Variants in BTBD2 observed in about 807,000 individuals in gnomAD.
BTBD2 encodes the protein BTB/POZ domain-containing protein 2.
A neutral mutation model predicts 44.0 loss-of-function variants in BTBD2; 15 were observed. That is an observed-to-expected ratio of 0.34 (90% confidence interval 0.23 to 0.53). The LOEUF (loss-of-function observed/expected upper bound fraction) is 0.53, where lower values mean the gene tolerates loss of function less well. Ranked by LOEUF, BTBD2 falls within the 20% of genes least tolerant of loss-of-function variation. The pLI is 0.95. For synonymous variants in BTBD2, 443 were observed against 335.9 expected, an observed-to-expected ratio of 1.32 and a Z score of -3.49; for missense variants, 657 against 746.4, an observed-to-expected ratio of 0.88 and a Z score of 1.39.
intron 8 of BTBD2, 85 bp from the exon 9 acceptor site, chr19:1,986,734 CA>C: frequency 1.3e-6 from 2 of 1,579,700 alleles, no homozygotes; most frequent in Non-Finnish European, 1.7e-6. Flanking sequence ...CCGACTGGGC[CA>C]GGGTGGCTGC....
chr19:2,009,731 T>C lies in BTBD2; in HGVS notation c.407+5566A>G, dbSNP rs1045656893. On this transcript the variant is annotated intron_variant, in intron 1 of 8. Coordinates refer to ENST00000255608, the MANE Select transcript of BTBD2 (RefSeq NM_017797.4). ...TGGGCGTGGTGGCGCACACCTGTAA[T>C]CCCAGCTACTCAGAAGGCTGAGACA... Among the ~76,000 whole-genome samples the C allele has an allele frequency of 2.0e-5, 3 of 151,850 alleles. No homozygotes were observed. In the East Asian group the frequency reaches 5.9e-4, roughly 30 times the overall value.
At chr19:2,007,956 T>TG (rs59761889) in intron 1 of BTBD2, among the ~76,000 whole-genome samples, 2,263 of 152,162 alleles carry the variant, frequency 0.015, 50 homozygotes, top group African/African-American at 0.051. Flanking sequence ...TGGGTGGATG[T>TG]GGGTGACTGA....
intron 1 of BTBD2, among the ~76,000 whole-genome samples, chr19:1,999,507 A>G (rs1303576827): frequency 1.3e-5 from 2 of 152,112 alleles, no homozygotes; most frequent in Non-Finnish European, 2.9e-5. Context: ...CTCTACAAAA[A>G]CATTGAAAAT....
At chr19:2,000,968 C>G (rs1224942054) in intron 1 of BTBD2, among the ~76,000 whole-genome samples, 3 of 152,152 alleles carry the variant, frequency 2.0e-5, no homozygotes, top group East Asian at 1.9e-4. Flanking sequence ...AGGAGGTCCC[C>G]AGAGTCCTCA....
intron 1 of BTBD2, among the ~76,000 whole-genome samples, chr19:2,005,244 C>T (rs1330778036): frequency 6.6e-6 from 1 of 152,160 alleles, no homozygotes; most frequent in Non-Finnish European, 1.5e-5. Context: ...TGGGCATTCA[C>T]GCACGAGGCT....
At chr19:1,996,478 C>CT (rs150753596) in intron 2 of BTBD2, among the ~76,000 whole-genome samples, 45 of 139,056 alleles carry the variant, frequency 3.2e-4, no homozygotes, top group Non-Finnish European at 4.0e-4. Context: ...CTGATGTTTC[C>CT]TTTTTTTTGT....
intron 5 of BTBD2, chr19:1,989,561 G>T: frequency 4.0e-6 from 1 of 246,942 alleles, no homozygotes; most frequent in Non-Finnish European, 8.1e-6. Flanking sequence ...AGGGCAGGAG[G>T]CATCGTTAGC....
intron 1 of BTBD2, among the ~76,000 whole-genome samples, chr19:2,001,691 G>T (rs560366532): frequency 6.6e-6 from 1 of 152,214 alleles, no homozygotes; most frequent in East Asian, 1.9e-4. Flanking sequence ...CAGGTGCTCC[G>T]ATACCCTCTG....
chr19:1,999,028 C>T (rs985957825), intron 1 of BTBD2, among the ~76,000 whole-genome samples: 1 of 152,176 alleles, frequency 6.6e-6, no homozygotes, highest in Non-Finnish European at 1.5e-5. Flanking sequence ...CTGCTTCTCA[C>T]TCCTGCACAG....
intron 1 of BTBD2, 100 bp downstream of exon 1, chr19:2,015,197 C>A: frequency 1.7e-6 from 2 of 1,186,698 alleles, no homozygotes; most frequent in South Asian, 1.8e-5. Flanking sequence ...TGGAGGGGTG[C>A]GGGGGTCTCG....
intron 4 of BTBD2, 50 bp downstream of exon 4, chr19:1,990,666 TC>T: frequency 1.3e-6 from 2 of 1,505,434 alleles, no homozygotes; most frequent in Non-Finnish European, 1.8e-6. Context: ...CCCCGGACCC[TC>T]CCGCCGAGGC....
chr19:2,015,148 G>A, intron 1 of BTBD2, 149 bp downstream of exon 1: 1 of 1,274,198 alleles, frequency 7.8e-7, no homozygotes, highest in Non-Finnish European at 1.0e-6. Flanking sequence ...ATGCAGGGGT[G>A]CAGGGGTCCC....
intron 1 of BTBD2, 22 bp from the exon 2 acceptor site, chr19:1,997,485 C>T (rs373047911): frequency 1.2e-6 from 2 of 1,613,150 alleles, no homozygotes; most frequent in African/African-American, 1.3e-5. Flanking sequence ...GAGAGAAGGC[C>T]CTGGTTAAGC....
chr19:1,989,723 G>A (rs1396268037), intron 5 of BTBD2: 21 of 483,472 alleles, frequency 4.3e-5, no homozygotes, highest in Admixed American at 1.0e-4. Flanking sequence ...ACAAGGGCGC[G>A]AGACGGGGAC....
rs1383137871 is a variant in BTBD2 at position 1,987,348 on chromosome 19, G to A, written c.1182-95C>T. On this transcript the variant is annotated intron_variant, in intron 6 of 8. Transcript: ENST00000255608. Reference sequence around the variant, plus strand: ...ACCCCCATGCCCGGTCCCCTCCATCGTCCCTGAGTCCTCCACCCCCATGCC... The same window carrying A: ...ACCCCCATGCCCGGTCCCCTCCATCATCCCTGAGTCCTCCACCCCCATGCC... 98 of 1,444,824 alleles carry A rather than the reference G, an allele frequency of 6.8e-5. 1 individual carries two copies. The East Asian group carries it at 7.5e-4, about 11-fold the overall frequency. The allele number at this position is 1,444,824 out of a possible 1,614,324, so 89.5% of individuals were successfully genotyped here. A position where few individuals can be genotyped will look rare whatever the true frequency, so the allele number is the denominator to read the frequency against.
chr19:2,011,256 G>C (rs527501176), intron 1 of BTBD2, among the ~76,000 whole-genome samples: 1 of 151,896 alleles, frequency 6.6e-6, no homozygotes, highest in East Asian at 1.9e-4. Context: ...ACAGGAACTC[G>C]CTTCCTCCAA....
Position 1,986,981 on chromosome 19 carries a change from G to A in BTBD2, c.1270-5C>T, listed in dbSNP as rs370012025. 7.1e-5 allele frequency: 115 copies of A among 1,610,334 alleles called. No homozygotes were observed. The African/African-American group carries it at 7.2e-4, about 10-fold the overall frequency. ...GTTGCTATCGGTGTGAATAATCTGCGGGGAGGTGGGAAGTGGGAGGCTCAG... is the reference window on the plus strand; with the variant it reads ...GTTGCTATCGGTGTGAATAATCTGCAGGGAGGTGGGAAGTGGGAGGCTCAG... On this transcript the variant is annotated splice_region_variant and splice_polypyrimidine_tract_variant and intron_variant, in intron 7 of 8. Transcript: ENST00000255608.
chr19:1,997,539 TG>T, intron 1 of BTBD2, 76 bp from the exon 2 acceptor site: 1 of 1,588,048 alleles, frequency 6.3e-7, no homozygotes. Context: ...CCCGGTATCC[TG>T]GGTGACCACC....
At chr19:1,995,143 T>C (rs1185399223) in intron 2 of BTBD2, among the ~76,000 whole-genome samples, 1 of 151,918 alleles carries the variant, frequency 6.6e-6, no homozygotes, top group Non-Finnish European at 1.5e-5. Flanking sequence ...AATTTTTGTA[T>C]GTTTGTAGAG....
Sources: gnomAD v4.1 joint callset for allele counts (sites outside exome capture counted in the v4.1 genomes callset) on GRCh38, gnomAD v4.1.1 for gene constraint, MANE v1.5 for transcripts, NCBI Gene and HGNC (gene_info 2026-07-23, HGNC 2026-07-21) for gene names.